CNTNAP2: variants seen among roughly 807,000 people sequenced by gnomAD.
CNTNAP2 encodes the protein contactin associated protein 2.
In CNTNAP2, 98 loss-of-function variants were observed where a neutral mutation model predicts 155.2. That is an observed-to-expected ratio of 0.63 (90% confidence interval 0.54 to 0.75). CNTNAP2 has a LOEUF of 0.75. Among genes scored for constraint, CNTNAP2 ranks in the 30% least tolerant of loss-of-function variants. The pLI is 0.00. For synonymous variants in CNTNAP2, 651 were observed against 631.2 expected (o/e 1.03, Z -0.47); for missense variants, 1,727 against 1,688.1 (o/e 1.02, Z -0.40).
At chr7:146,445,658 C>T (rs1258856312) in intron 1 of CNTNAP2, among the ~76,000 whole-genome samples, 2 of 152,126 alleles carry the variant, frequency 1.3e-5, no homozygotes, top group African/African-American at 2.4e-5. Context: ...ATTATCAAGA[C>T]ATTTTCCCAA....
chr7:148,336,629 C>T (rs533346474), intron 21 of CNTNAP2, among the ~76,000 whole-genome samples: 2 of 151,888 alleles, frequency 1.3e-5, no homozygotes, highest in African/African-American at 2.4e-5. Flanking sequence ...CAAGAAAATG[C>T]GATCTAGTTT....
chr7:146,316,521 T>G (rs934843247), intron 1 of CNTNAP2, among the ~76,000 whole-genome samples: 3 of 152,000 alleles, frequency 2.0e-5, no homozygotes, highest in Admixed American at 6.6e-5. Context: ...GGCTGAGAAT[T>G]AGGACCCCGG....
At chr7:146,889,923 T>G (rs929427519) in intron 3 of CNTNAP2, among the ~76,000 whole-genome samples, 40 of 152,146 alleles carry the variant, frequency 2.6e-4, no homozygotes, top group Non-Finnish European at 3.2e-4. Context: ...AGATTGGAAA[T>G]TCTCCAGGCA....
rs1372688888 is a variant in CNTNAP2, at chr7:147,183,570, T to TGC, written c.1348+51062_1348+51063insCG. ...AGCCACTTTGTTAAATAAGTGTGTG[T>TGC]GTGTGTGTGTTTTTCCTTACAAGTT... On this transcript the variant is annotated intron_variant, in intron 8 of 23. Transcript: ENST00000361727. Among the ~76,000 whole-genome samples the TGC allele has an allele frequency of 2.0e-5, 3 of 152,142 alleles. No individual in the cohort carries two copies. In the East Asian group the frequency reaches 5.8e-4, roughly 29 times the overall value.
intron 14 of CNTNAP2, among the ~76,000 whole-genome samples, chr7:147,906,229 T>C (rs1585021474): frequency 1.3e-5 from 2 of 152,244 alleles, no homozygotes; most frequent in Middle Eastern, 3.4e-3. Context: ...TCTCACTCTG[T>C]CACCCAGGAT....
intron 3 of CNTNAP2, among the ~76,000 whole-genome samples, chr7:147,026,422 A>G (rs551691576): frequency 6.6e-6 from 1 of 152,322 alleles, no homozygotes; most frequent in Non-Finnish European, 1.5e-5. Context: ...AATGAAAAAC[A>G]TGAATGACAT....
intron 1 of CNTNAP2, among the ~76,000 whole-genome samples, chr7:146,678,882 G>A (rs1800450543): frequency 6.6e-6 from 1 of 152,082 alleles, no homozygotes; most frequent in Non-Finnish European, 1.5e-5. Context: ...TAAATAATTT[G>A]TTTTCAGATC....
At chr7:147,300,459 A>C (rs1446240088) in intron 9 of CNTNAP2, among the ~76,000 whole-genome samples, 169 bp downstream of exon 9, 1 of 152,160 alleles carries the variant, frequency 6.6e-6, no homozygotes, top group African/African-American at 2.4e-5. Flanking sequence ...GAAAAATTTT[A>C]TTTCTTTCTG....
intron 8 of CNTNAP2, among the ~76,000 whole-genome samples, chr7:147,250,990 C>T (rs974877645): frequency 1.3e-5 from 2 of 152,064 alleles, no homozygotes; most frequent in African/African-American, 2.4e-5. Flanking sequence ...TATAGAGCAC[C>T]CTTGGCATAA....
intron 1 of CNTNAP2, among the ~76,000 whole-genome samples, chr7:146,193,564 G>A (rs968382326): frequency 4.6e-5 from 7 of 152,264 alleles, no homozygotes; most frequent in Non-Finnish European, 1.0e-4. Flanking sequence ...TGGGGCAGAG[G>A]GCACCAAGTC....
At chr7:147,126,438 T>G (rs769700238) in intron 6 of CNTNAP2, among the ~76,000 whole-genome samples, 10 of 152,118 alleles carry the variant, frequency 6.6e-5, no homozygotes, top group Non-Finnish European at 1.3e-4. Context: ...TATTCTGTGG[T>G]CCAACCAGTT....
chr7:147,250,399 AT>A (rs917432244), intron 8 of CNTNAP2, among the ~76,000 whole-genome samples: 6 of 152,112 alleles, frequency 3.9e-5, no homozygotes, highest in African/African-American at 1.4e-4. Context: ...AATAAAAAAA[AT>A]GCAGATGGAG....
At chr7:147,865,174 A>G (rs1799205831) in intron 13 of CNTNAP2, among the ~76,000 whole-genome samples, 1 of 152,110 alleles carries the variant, frequency 6.6e-6, no homozygotes, top group African/African-American at 2.4e-5. Flanking sequence ...TTCTGCATCT[A>G]TTGAGATTAT....
At chr7:147,458,930 CAA>C (rs1290031327) in intron 10 of CNTNAP2, among the ~76,000 whole-genome samples, 1 of 151,828 alleles carries the variant, frequency 6.6e-6, no homozygotes, top group Admixed American at 6.6e-5. Context: ...TGCATGAAAT[CAA>C]GAGAGAAAGA....
intron 22 of CNTNAP2, among the ~76,000 whole-genome samples, chr7:148,397,868 G>GAAGCA (rs1325071298): frequency 6.6e-6 from 1 of 152,214 alleles, no homozygotes; most frequent in African/African-American, 2.4e-5. Context: ...CACCTGTCAG[G>GAAGCA]AAGCAAAACT....
intron 1 of CNTNAP2, among the ~76,000 whole-genome samples, chr7:146,131,458 A>G (rs1797712191): frequency 6.6e-6 from 1 of 152,200 alleles, no homozygotes; most frequent in South Asian, 2.1e-4. Flanking sequence ...TAAGCTGCCA[A>G]CAAGTCCAAG....
At position 146,839,692 on chromosome 7, in the gene CNTNAP2, T is replaced by G. The variant is rs762132921; in HGVS notation, c.209-19T>G. 6 of 1,613,740 alleles carry G rather than the reference T, an allele frequency of 3.7e-6. No individual in the cohort carries two copies. Among genetic ancestry groups the G allele is most frequent in the Non-Finnish European group, 5.1e-6 (6 of 1,179,746 alleles). On this transcript the variant is annotated intron_variant, in intron 2 of 23. Coordinates refer to ENST00000361727, the MANE Select transcript of CNTNAP2 (RefSeq NM_014141.6). ...AATTTAAATATTCATTTTCCCATCT[T>G]ACCTCTGCCCATCTTCAGGTGCTGG...
At chr7:146,542,538 CA>C (rs972227795) in intron 1 of CNTNAP2, among the ~76,000 whole-genome samples, 2 of 151,844 alleles carry the variant, frequency 1.3e-5, no homozygotes, top group Non-Finnish European at 2.9e-5. Context: ...GCCATCTTAT[CA>C]GGTAATTTTG....
chr7:148,023,385 T>A (rs17170789), intron 15 of CNTNAP2, among the ~76,000 whole-genome samples: 18,475 of 152,182 alleles, frequency 0.12, 1,872 homozygotes, highest in East Asian at 0.34. Flanking sequence ...ATGCAGCTCA[T>A]TGGTCATACT....
Sources: gnomAD v4.1 joint callset for allele counts (sites outside exome capture counted in the v4.1 genomes callset) on GRCh38, gnomAD v4.1.1 for gene constraint, MANE v1.5 for transcripts, NCBI Gene and HGNC (gene_info 2026-07-23, HGNC 2026-07-21) for gene names.